Variants in DLGAP2 observed in about 807,000 individuals in gnomAD.
DLGAP2 encodes the protein disks large-associated protein 2.
DLGAP2 carries 26 observed loss-of-function variants against 100.3 expected under a neutral mutation model. The observed-to-expected ratio is 0.26, with a 90% confidence interval of 0.19 to 0.36. The LOEUF is 0.36. DLGAP2 is among the 10% of genes least tolerant of loss of function. The probability of loss-of-function intolerance (pLI) is 1.00; values close to 1 mark genes in which losing one functional copy is unlikely to be tolerated. For missense variants in DLGAP2, 1,858 were observed against 1,453.2 expected, an observed-to-expected ratio of 1.28 and a Z score of -4.53; for synonymous variants, 886 against 630.1, an observed-to-expected ratio of 1.41 and a Z score of -6.08.
chr8:990,019 C>T (rs1273942223), intron 2 of DLGAP2, among the ~76,000 whole-genome samples: 1 of 152,110 alleles, frequency 6.6e-6, no homozygotes, highest in Non-Finnish European at 1.5e-5. Flanking sequence ...AGCCAACCTC[C>T]TGGACCACTG....
chr8:1,270,912 C>T (rs1798462808), intron 3 of DLGAP2, among the ~76,000 whole-genome samples: 1 of 152,088 alleles, frequency 6.6e-6, no homozygotes, highest in Non-Finnish European at 1.5e-5. Context: ...TTGGTTTCCA[C>T]GACTGTATAC....
chr8:1,123,866 C>G (rs929967145), intron 2 of DLGAP2, among the ~76,000 whole-genome samples: 1 of 152,024 alleles, frequency 6.6e-6, no homozygotes, highest in South Asian at 2.1e-4. Flanking sequence ...TCCTGTTTGC[C>G]TAAAAATTAT....
At chr8:777,472 T>C (rs1336665535) in intron 1 of DLGAP2, among the ~76,000 whole-genome samples, 1 of 152,110 alleles carries the variant, frequency 6.6e-6, no homozygotes, top group East Asian at 1.9e-4. Flanking sequence ...TTGGCATGAT[T>C]TTGCAGTGGC....
At chr8:1,699,705 C>T (rs1315619774) in intron 14 of DLGAP2, among the ~76,000 whole-genome samples, 1 of 152,196 alleles carries the variant, frequency 6.6e-6, no homozygotes, top group South Asian at 2.1e-4. Flanking sequence ...ACAGCAGAGG[C>T]TCCGTGCCTG....
chr8:1,690,845 A>G (rs1035152063), intron 12 of DLGAP2, among the ~76,000 whole-genome samples: 2 of 152,078 alleles, frequency 1.3e-5, no homozygotes, highest in Non-Finnish European at 2.9e-5. Context: ...TAGCGTTAGC[A>G]TTACACATAT....
At chr8:1,473,396 G>T (rs993303579) in intron 3 of DLGAP2, among the ~76,000 whole-genome samples, 1 of 152,234 alleles carries the variant, frequency 6.6e-6, no homozygotes, top group Admixed American at 6.5e-5. Flanking sequence ...GAGAATCTCA[G>T]ATCCACTGCG....
chr8:1,215,406 G>A (rs1033815000), intron 2 of DLGAP2, among the ~76,000 whole-genome samples: 16 of 152,092 alleles, frequency 1.1e-4, no homozygotes, highest in Non-Finnish European at 1.9e-4. Flanking sequence ...GGGTTCATTA[G>A]GGTGCATCAC....
chr8:1,070,595 T>C (rs1458851035), intron 2 of DLGAP2, among the ~76,000 whole-genome samples: 1 of 151,944 alleles, frequency 6.6e-6, no homozygotes, highest in Non-Finnish European at 1.5e-5. Context: ...AGAAAGACAG[T>C]TTGAAAGGTG....
intron 1 of DLGAP2, among the ~76,000 whole-genome samples, chr8:852,695 T>C (rs969989474): frequency 6.6e-6 from 1 of 152,180 alleles, no homozygotes; most frequent in Non-Finnish European, 1.5e-5. Flanking sequence ...CCTTGGCTAC[T>C]TCAACGTTTC....
At chr8:1,378,799 C>T (rs573959272) in intron 3 of DLGAP2, among the ~76,000 whole-genome samples, 2 of 152,354 alleles carry the variant, frequency 1.3e-5, no homozygotes, top group African/African-American at 4.8e-5. Context: ...GCGTTTCCTT[C>T]ATTTCCCCAG....
intron 3 of DLGAP2, among the ~76,000 whole-genome samples, chr8:1,373,366 T>C (rs36018196): frequency 6.6e-6 from 1 of 151,698 alleles, no homozygotes; most frequent in African/African-American, 2.4e-5. Context: ...GGCCGCAGGT[T>C]GGGCAGCGCC....
At chr8:1,243,552 C>T (rs900848171) in intron 2 of DLGAP2, among the ~76,000 whole-genome samples, 2 of 152,090 alleles carry the variant, frequency 1.3e-5, no homozygotes, top group African/African-American at 4.8e-5. Context: ...ATTTTTTCTT[C>T]TCGCTCACGA....
intron 6 of DLGAP2, among the ~76,000 whole-genome samples, chr8:1,619,034 T>G (rs1263642965): frequency 6.6e-6 from 1 of 152,178 alleles, no homozygotes; most frequent in East Asian, 1.9e-4. Context: ...AATCTTTAAA[T>G]TCTGTTCATT....
At chr8:1,359,626 C>T (rs1171049898) in intron 3 of DLGAP2, among the ~76,000 whole-genome samples, 8 of 152,230 alleles carry the variant, frequency 5.3e-5, no homozygotes, top group East Asian at 1.9e-4. Flanking sequence ...ATGCTGTCGG[C>T]GGCTGTCCCT....
At chr8:865,452 T>G (rs1797476399) in intron 1 of DLGAP2, among the ~76,000 whole-genome samples, 1 of 152,184 alleles carries the variant, frequency 6.6e-6, no homozygotes, top group African/African-American at 2.4e-5. Flanking sequence ...CAGCCTCCTT[T>G]CAAGCCTCGT....
intron 1 of DLGAP2, among the ~76,000 whole-genome samples, chr8:757,501 G>A (rs1820951672): frequency 6.6e-6 from 1 of 152,142 alleles, no homozygotes; most frequent in South Asian, 2.1e-4. Flanking sequence ...CTGATGGGAT[G>A]TTCTGGTGGG....
chr8:1,568,895 G>A lies in DLGAP2; in HGVS notation c.1442+3001G>A, dbSNP rs1357676019. 3.6e-4 allele frequency among the ~76,000 whole-genome samples: 25 copies of A among 69,514 alleles called. 2 individuals carry two copies. The highest frequency in any genetic ancestry group is 8.6e-4 in the African/African-American group (17 of 19,666). The allele number at this position is 69,514 out of a possible 152,430, so 45.6% of individuals were successfully genotyped here. On this transcript the variant is annotated intron_variant, in intron 6 of 14. Coordinates refer to ENST00000637795, the MANE Select transcript of DLGAP2 (RefSeq NM_001346810.2). ...CAGACACAAATCCATCTCTGCCTGC[G>A]GCCCCCATGCCACTGCCCACTCAGC...
At chr8:1,264,945 G>A (rs1799422863) in intron 3 of DLGAP2, among the ~76,000 whole-genome samples, 1 of 152,154 alleles carries the variant, frequency 6.6e-6, no homozygotes. Flanking sequence ...CCTGCACATG[G>A]TCTCTTGCCT....
chr8:1,214,579 C>T (rs1400442186), intron 2 of DLGAP2, among the ~76,000 whole-genome samples: 1 of 152,220 alleles, frequency 6.6e-6, no homozygotes, highest in Non-Finnish European at 1.5e-5. Context: ...CGGCCTCCTC[C>T]TCATTTATCC....
Sources: allele counts gnomAD v4.1 joint callset (sites outside exome capture counted in the v4.1 genomes callset), GRCh38; gene constraint gnomAD v4.1.1; transcripts MANE v1.5; gene names NCBI Gene and HGNC (gene_info 2026-07-23, HGNC 2026-07-21).